Variants in CCNB3 observed in about 807,000 individuals in gnomAD.
CCNB3 encodes the protein cyclin B3.
In CCNB3, 12 loss-of-function variants were observed where a neutral mutation model predicts 68.0. The ratio of observed to expected loss-of-function variants is 0.18; its 90% CI spans 0.11 to 0.29. The LOEUF is 0.29. Among genes scored for constraint, CCNB3 ranks in the 10% least tolerant of loss-of-function variants. The pLI, the probability that CCNB3 is intolerant of heterozygous loss-of-function variation, is 1.00. For synonymous variants in CCNB3, 354 were observed against 388.9 expected, an observed-to-expected ratio of 0.91 and a Z score of 1.06; for missense variants, 904 against 993.1, an observed-to-expected ratio of 0.91 and a Z score of 1.21.
chrX:50,221,732 A>C (rs1935677180), intron 1 of CCNB3, among the ~76,000 whole-genome samples: 1 of 111,735 alleles, frequency 8.9e-6, no homozygotes, highest in Non-Finnish European at 1.9e-5. Context: ...GGTGCTGAGA[A>C]GAATGTATAT....
At chrX:50,344,586 T>C (rs1335185639) in intron 9 of CCNB3, among the ~76,000 whole-genome samples, 1 of 111,526 alleles carries the variant, frequency 9.0e-6, no homozygotes, top group African/African-American at 3.3e-5. Flanking sequence ...ACAGCTTCCT[T>C]CTGCTCCATG....
Position 50,346,679 on chromosome X carries a change from T to A in CCNB3, c.3682T>A (p.Phe1228Ile), listed in dbSNP as rs1557220334. Residue 1228 changes from phenylalanine (F) to isoleucine (I), a missense_variant, in exon 10 of 13, where the codon TTT (phenylalanine) becomes ATT (isoleucine). Transcript: ENST00000376042. ...GCACAACTCACCTCGTGTGGATGAC[T>A]TTGTGTACATCTGTGATGATAATTA... is the stretch of plus-strand genomic sequence containing the variant. ...EEHNSPRVDD[F>I]VYICDDNYQR... The A allele has an allele frequency of 8.3e-7, 1 of 1,211,240 alleles. No homozygotes were observed. The highest frequency in any genetic ancestry group is 1.8e-5 in the South Asian group (1 of 56,825).
intron 1 of CCNB3, among the ~76,000 whole-genome samples, chrX:50,214,622 T>TAAATTTTATATAAAATATATAAAATA (rs1935538812): frequency 1.0e-5 from 1 of 98,171 alleles, no homozygotes; most frequent in Non-Finnish European, 2.0e-5. Context: ...GTATATAATA[T>TAAATTTTATATAAAATATATAAAATA]TGTATTTTAT....
rs190475543 is a variant in CCNB3, at chrX:50,341,157, C to T, written c.3517-1045C>T. Among the ~76,000 whole-genome samples, 659 of 108,986 alleles carry T rather than the reference C, an allele frequency of 6.0e-3. 5 individuals are homozygous for T. Among genetic ancestry groups the T allele is most frequent in the African/African-American group, 0.021 (636 of 29,969 alleles). The allele number at this position is 108,986 out of a possible 115,157, so 94.6% of individuals were successfully genotyped here. A position where few individuals can be genotyped will look rare whatever the true frequency, so the allele number is the denominator to read the frequency against. ...ATCCTGGTTAACACGATGAAACCCC[C>T]GTCTCTACTAAAAATACAAAAAATT... On this transcript the variant is annotated intron_variant, in intron 8 of 12. Coordinates refer to ENST00000376042, the MANE Select transcript of CCNB3 (RefSeq NM_033031.3).
chrX:50,321,845 T>A (rs1338452799), intron 8 of CCNB3, among the ~76,000 whole-genome samples: 2 of 110,905 alleles, frequency 1.8e-5, no homozygotes, highest in African/African-American at 6.5e-5. Context: ...TCAGGAAAAA[T>A]TCACAGACTT....
intron 8 of CCNB3, among the ~76,000 whole-genome samples, chrX:50,330,308 G>A (rs1197904747): frequency 9.0e-6 from 1 of 111,671 alleles, no homozygotes; most frequent in Admixed American, 9.5e-5. Flanking sequence ...TAATATAACC[G>A]TTTAGGTCAG....
intron 1 of CCNB3, among the ~76,000 whole-genome samples, 151 bp downstream of exon 1, chrX:50,205,101 T>C (rs1935332425): frequency 8.9e-6 from 1 of 112,150 alleles, no homozygotes; most frequent in African/African-American, 3.2e-5. Context: ...ATTTCCTCCC[T>C]GTCAAACCAA....
chrX:50,279,579 T>G (rs1327612000), intron 1 of CCNB3, among the ~76,000 whole-genome samples: 1 of 87,568 alleles, frequency 1.1e-5, no homozygotes, highest in Admixed American at 1.6e-4. Context: ...TTTCTATATA[T>G]AAATATATAT....
chrX:50,217,342 C>T (rs1001606379), intron 1 of CCNB3, among the ~76,000 whole-genome samples: 8 of 96,645 alleles, frequency 8.3e-5, no homozygotes, highest in African/African-American at 1.2e-4. Context: ...GGCACAATCT[C>T]GGCTCACTGC....
At position 50,310,093 on chromosome X, in the gene CCNB3, T is replaced by C. The variant is rs1180588037; in HGVS notation, c.1924T>C (p.Leu642=). 1 of 1,209,777 alleles carries C rather than the reference T, an allele frequency of 8.3e-7. No homozygotes were observed. The highest frequency in any genetic ancestry group is 1.1e-6 in the Non-Finnish European group (1 of 894,934). ...GTTCCTCTCCCAGGAACCATCTGCA[T>C]TGAAAGAGAAGCATACCACCTTGCA... The part of the protein sequence containing the change: ...EKFLSQEPSA[L]KEKHTTLQEV... Residue 642 remains leucine (L), a synonymous_variant, in exon 6 of 13, where the codon TTG becomes CTG. Transcript: ENST00000376042.
chrX:50,327,780 T>C (rs1013197345), intron 8 of CCNB3, among the ~76,000 whole-genome samples: 1 of 112,110 alleles, frequency 8.9e-6, no homozygotes, highest in Admixed American at 9.5e-5. Flanking sequence ...GAAGAAAAAG[T>C]CCATTTTCTA....
intron 8 of CCNB3, among the ~76,000 whole-genome samples, chrX:50,341,534 TA>T (rs375900011): frequency 0.015 from 1,264 of 86,046 alleles, 15 homozygotes; most frequent in East Asian, 0.067. Flanking sequence ...AAATAGAGAC[TA>T]AAAAAAAAAA....
At chrX:50,348,163 G>A (rs782486874) in intron 11 of CCNB3, among the ~76,000 whole-genome samples, 2 of 110,734 alleles carry the variant, frequency 1.8e-5, no homozygotes, top group East Asian at 2.8e-4. Context: ...GTTGGAACAG[G>A]GTTTGAAAAG....
chrX:50,335,473 G>A (rs1363464156), intron 8 of CCNB3, among the ~76,000 whole-genome samples: 1 of 111,492 alleles, frequency 9.0e-6, no homozygotes, highest in Non-Finnish European at 1.9e-5. Flanking sequence ...AGGGAGGAAG[G>A]GGAGGTTCCA....
chrX:50,333,210 C>T (rs11795897), intron 8 of CCNB3, among the ~76,000 whole-genome samples: 3,206 of 111,134 alleles, frequency 0.029, 57 homozygotes, highest in Non-Finnish European at 0.046. Context: ...GCCCATTATC[C>T]GAGCCGATTC....
At chrX:50,330,852 T>C (rs1291977784) in intron 8 of CCNB3, among the ~76,000 whole-genome samples, 1 of 112,029 alleles carries the variant, frequency 8.9e-6, no homozygotes, top group African/African-American at 3.2e-5. Context: ...CCTATAGACC[T>C]CTCCTTCAGC....
chrX:50,209,403 TG>T (rs1481093610), intron 1 of CCNB3, among the ~76,000 whole-genome samples: 10 of 111,068 alleles, frequency 9.0e-5, no homozygotes, highest in South Asian at 3.9e-4. Context: ...TCACCCAGAC[TG>T]GGGTGCAGTG....
intron 1 of CCNB3, among the ~76,000 whole-genome samples, chrX:50,214,502 A>ATATATATATATATATG (rs1935534307): frequency 1.4e-5 from 1 of 70,692 alleles, no homozygotes; most frequent in Non-Finnish European, 2.8e-5. Context: ...ATATATATAT[A>ATATATATATATATATG]TATATATTTT....
chrX:50,298,573 A>G lies in CCNB3; in HGVS notation c.335+3580A>G, dbSNP rs200138620. Among the ~76,000 whole-genome samples, 15 of 111,678 alleles carry G rather than the reference A, an allele frequency of 1.3e-4. No individual in the cohort carries two copies. The East Asian group carries it at 2.2e-3, about 17-fold the overall frequency. ...GGATTTTTGCATCGATGTTCATCAA[A>G]GATATTGGTCTAAAATTCTCTTTTT... On this transcript the variant is annotated intron_variant, in intron 5 of 12. Transcript: ENST00000376042.
Sources: allele counts gnomAD v4.1 joint callset (sites outside exome capture counted in the v4.1 genomes callset), GRCh38; gene constraint gnomAD v4.1.1; transcripts MANE v1.5; gene names NCBI Gene and HGNC (gene_info 2026-07-23, HGNC 2026-07-21).